Variants in ZNF276 observed in about 807,000 individuals in gnomAD.
The protein encoded by ZNF276 is centromere protein Z.
Under a neutral mutation model 63.9 loss-of-function variants are expected in ZNF276, and 59 were observed. The observed-to-expected ratio is 0.92, with a 90% CI of 0.75 to 1.15. ZNF276 has a LOEUF of 1.15. Ranked by LOEUF, ZNF276 falls within the 50% of genes most tolerant of loss-of-function variation. The probability of loss-of-function intolerance (pLI) is 0.00; values close to 1 mark genes in which losing one functional copy is unlikely to be tolerated. For missense variants in ZNF276, 1,084 were observed against 843.8 expected (o/e 1.28, Z -3.53); for synonymous variants, 496 against 348.4 (o/e 1.42, Z -4.72).
At chr16:89,726,140 C>T (rs1212392318) in intron 4 of ZNF276, among the ~76,000 whole-genome samples, 2 of 152,164 alleles carry the variant, frequency 1.3e-5, no homozygotes, top group African/African-American at 2.4e-5. Context: ...CTCAGCCTCC[C>T]GAGTAGCTGG....
chr16:89,721,555 C>A lies in ZNF276; in HGVS notation c.-86C>A, dbSNP rs1345499774. ...CTCCCCCGCCCCGCCTCGCTTCCAGCGCGCCGAGCGGAGCCTAACGCCGGG... is the reference window on the plus strand; with the variant it reads ...CTCCCCCGCCCCGCCTCGCTTCCAGAGCGCCGAGCGGAGCCTAACGCCGGG... On this transcript the variant is annotated 5_prime_UTR_variant, in exon 1 of 11. Transcript: ENST00000443381. The A allele has an allele frequency of 1.4e-5, 19 of 1,326,448 alleles. No individual in the cohort carries two copies. The highest frequency in any genetic ancestry group is 1.9e-5 in the Non-Finnish European group (19 of 1,006,682). 82.2% of individuals were successfully genotyped at this position (1,326,448 alleles called of 1,614,324 possible).
intron 4 of ZNF276, among the ~76,000 whole-genome samples, chr16:89,724,125 C>T (rs987064158): frequency 2.0e-5 from 3 of 152,242 alleles, no homozygotes; most frequent in African/African-American, 7.2e-5. Context: ...ACTCAGCCAG[C>T]CGCCTGGTGA....
chr16:89,736,354 A>G (rs942634591), intron 9 of ZNF276, among the ~76,000 whole-genome samples: 1 of 133,588 alleles, frequency 7.5e-6, no homozygotes, highest in Non-Finnish European at 1.6e-5. Flanking sequence ...TTTCCGGGAC[A>G]GTCTGTGTCG....
chr16:89,740,768 G>A lies in ZNF276; in HGVS notation c.*2522G>A. The A allele has an allele frequency of 3.8e-6, 6 of 1,597,292 alleles. No individual in the cohort carries two copies. Among genetic ancestry groups the A allele is most frequent in the Non-Finnish European group, 5.1e-6 (6 of 1,166,296 alleles). On this transcript the variant is annotated 3_prime_UTR_variant, in exon 11 of 11. Transcript: ENST00000443381. ...CTGGTGCCCCTGCCTGGCCCACAGT[G>A]GGAGAGGACACCTTGGCTGGTAAGG...
At chr16:89,730,612 C>T (rs914712064) in intron 6 of ZNF276, among the ~76,000 whole-genome samples, 4 of 152,184 alleles carry the variant, frequency 2.6e-5, no homozygotes, top group Admixed American at 6.5e-5. Flanking sequence ...AACAGAGACA[C>T]GGGAGATACG....
chr16:89,724,467 C>T (rs1240046145), intron 4 of ZNF276, among the ~76,000 whole-genome samples: 1 of 152,110 alleles, frequency 6.6e-6, no homozygotes, highest in Non-Finnish European at 1.5e-5. Context: ...GCCAACATAG[C>T]GAAACCCCAT....
rs2062062364 is a variant in ZNF276, at chr16:89,739,342, G to C, written c.*1096G>C. The C allele has an allele frequency of 6.2e-7, 1 of 1,608,850 alleles. No individual in the cohort carries two copies. The highest frequency in any genetic ancestry group is 1.7e-5 in the Admixed American group (1 of 59,794). On this transcript the variant is annotated 3_prime_UTR_variant, in exon 11 of 11. Coordinates refer to ENST00000443381, the MANE Select transcript of ZNF276 (RefSeq NM_001113525.2). ...GCTACAGACTGCTGGAAAGGTAGCA[G>C]GTGATGCCAAGGGATACTGCTCATC...
upstream of ZNF276, chr16:89,720,995 C>G: frequency 1.1e-6 from 1 of 881,402 alleles, no homozygotes; most frequent in Non-Finnish European, 1.5e-6. Context: ...GCACTTCCGG[C>G]GACGGGCCCC....
intron 4 of ZNF276, among the ~76,000 whole-genome samples, chr16:89,726,260 G>A (rs1391502409): frequency 1.3e-5 from 2 of 150,386 alleles, no homozygotes; most frequent in Admixed American, 6.6e-5. Flanking sequence ...GCAGTGGCAC[G>A]ATATCAGCTC....
In ZNF276 at chr16:89,733,419, C is replaced by T. The variant is rs1401854840; in HGVS notation, c.1280+7C>T. The stretch of plus-strand genomic sequence containing the variant: ...AGAAGCTTCGTTGTGAGAGGTGATG[C>T]CTGCAACGCGAGGCTCGCCCTGCCT... On this transcript the variant is annotated splice_region_variant and intron_variant, in intron 7 of 10. Coordinates refer to ENST00000443381, the MANE Select transcript of ZNF276 (RefSeq NM_001113525.2). 6.2e-7 allele frequency: 1 copy of T among 1,614,012 alleles called. No individual in the cohort carries two copies. Among genetic ancestry groups the T allele is most frequent in the Non-Finnish European group, 8.5e-7 (1 of 1,180,030 alleles).
At chr16:89,731,982 G>A (rs1411334536) in intron 6 of ZNF276, 1 of 152,240 alleles carries the variant, frequency 6.6e-6, no homozygotes, top group Non-Finnish European at 1.5e-5. Context: ...GAGCAGTGGT[G>A]AGAGAATCCG....
At chr16:89,720,850 C>T (rs975614145), upstream of ZNF276, 32 of 1,420,360 alleles carry the variant, frequency 2.3e-5, 1 homozygote, top group Admixed American at 2.6e-5. Context: ...CGTCCCCGGC[C>T]GCAGCGGCCA....
At position 89,738,246 on chromosome 16, in the gene ZNF276, A is replaced by AG. The variant is rs768448255; in HGVS notation, c.*2dup. The AG allele has an allele frequency of 6.3e-7, 1 of 1,597,528 alleles. No homozygotes were observed. The highest frequency in any genetic ancestry group is 8.5e-7 in the Non-Finnish European group (1 of 1,172,746). Reference sequence around the variant, plus strand: ...AGGCGGTGAAGCCCGAACCCACCTGAGGACGGCAGTGAGGATGAGCACCTC... The same window carrying AG: ...AGGCGGTGAAGCCCGAACCCACCTGAGGGACGGCAGTGAGGATGAGCACCTC... On this transcript the variant is annotated 3_prime_UTR_variant, in exon 11 of 11. Coordinates refer to ENST00000443381, the MANE Select transcript of ZNF276 (RefSeq NM_001113525.2).
intron 5 of ZNF276, among the ~76,000 whole-genome samples, chr16:89,728,336 C>A (rs185906915): frequency 6.6e-6 from 1 of 151,926 alleles, no homozygotes; most frequent in South Asian, 2.1e-4. Flanking sequence ...GTGATTCTCC[C>A]GCCTCAGCCT....
In ZNF276 at chr16:89,738,941, GA is replaced by G; in HGVS notation, c.*696del. 6.2e-7 allele frequency: 1 copy of G among 1,614,250 alleles called. No homozygotes were observed. Among genetic ancestry groups the G allele is most frequent in the Non-Finnish European group, 8.5e-7 (1 of 1,180,050 alleles). ...CGAGGTATTAACTGCAGCAGAAAAAGACGAGCTTTTGTTATCAGTTCCACGG... is the reference window on the plus strand; with the variant it reads ...CGAGGTATTAACTGCAGCAGAAAAAGCGAGCTTTTGTTATCAGTTCCACGG... On this transcript the variant is annotated 3_prime_UTR_variant, in exon 11 of 11. Coordinates refer to ENST00000443381, the MANE Select transcript of ZNF276 (RefSeq NM_001113525.2).
Position 89,722,833 on chromosome 16 carries a change from A to G in ZNF276, c.508A>G (p.Lys170Glu), listed in dbSNP as rs1323636631. 1 of 1,601,390 alleles carries G rather than the reference A, an allele frequency of 6.2e-7. No individual in the cohort carries two copies. Among genetic ancestry groups the G allele is most frequent in the East Asian group, 2.2e-5 (1 of 44,882 alleles). Reference protein sequence around the residue: ...SPAGRRKPCAKVGAQPPTGAE... With the variant: ...SPAGRRKPCAEVGAQPPTGAE... The stretch of plus-strand genomic sequence containing the variant: ...GGCTGGTCGCCGGAAGCCTTGTGCA[A>G]AGTACGCCCTAGTCTGTTCAGAGCA... The change falls in exon 2 of 11, where the codon AAG becomes GAG. Residue 170 changes from lysine to glutamate, a missense_variant and splice_region_variant. Transcript: ENST00000443381.
chr16:89,739,635 C>T lies in ZNF276; in HGVS notation c.*1389C>T, dbSNP rs535725578. The T allele has an allele frequency of 1.1e-4, 169 of 1,517,730 alleles. 1 individual carries two copies. In the East Asian group the frequency reaches 3.7e-3, roughly 34 times the overall value. 94.0% of individuals were successfully genotyped at this position (1,517,730 alleles called of 1,614,324 possible). On this transcript the variant is annotated 3_prime_UTR_variant, in exon 11 of 11. Transcript: ENST00000443381. ...CTGGGGACACCCCTGGGGGTCGGGA[C>T]GTGTACCCTGGGAGGCCTGGCTGTG...
intron 4 of ZNF276, among the ~76,000 whole-genome samples, chr16:89,724,717 G>A (rs997057195): frequency 2.0e-5 from 3 of 152,160 alleles, no homozygotes; most frequent in Non-Finnish European, 4.4e-5. Flanking sequence ...CGGCTCGGGG[G>A]CCTCAGGTAG....
At position 89,740,592 on chromosome 16, in the gene ZNF276, C is replaced by T; in HGVS notation, c.*2346C>T. ...CTGAGGTTGCAGTGAGCTGAGATCACACCACTGCACTCCAGCCTGGGTGAC... is the reference window on the plus strand; with the variant it reads ...CTGAGGTTGCAGTGAGCTGAGATCATACCACTGCACTCCAGCCTGGGTGAC... On this transcript the variant is annotated 3_prime_UTR_variant, in exon 11 of 11. Coordinates refer to ENST00000443381, the MANE Select transcript of ZNF276 (RefSeq NM_001113525.2). 1.7e-6 allele frequency: 1 copy of T among 581,304 alleles called. No homozygotes were observed. The allele number at this position is 581,304 out of a possible 1,614,324, so 36.0% of individuals were successfully genotyped here.
Sources: gnomAD v4.1 joint callset for allele counts (sites outside exome capture counted in the v4.1 genomes callset) on GRCh38, gnomAD v4.1.1 for gene constraint, MANE v1.5 for transcripts, NCBI Gene and HGNC (gene_info 2026-07-23, HGNC 2026-07-21) for gene names.